Variants in ZNF638 observed in about 807,000 individuals in gnomAD.
ZNF638 encodes the protein zinc finger protein 638.
ZNF638 carries 46 observed loss-of-function variants against 195.6 expected under a neutral mutation model. That is an observed-to-expected ratio of 0.24 (90% confidence interval 0.19 to 0.30). The LOEUF (loss-of-function observed/expected upper bound fraction) is 0.30. Among genes scored for constraint, ZNF638 ranks in the 10% least tolerant of loss-of-function variants. The pLI is 1.00. For synonymous variants in ZNF638, 845 were observed against 772.0 expected, an observed-to-expected ratio of 1.09 and a Z score of -1.57; for missense variants, 2,440 against 2,325.3, an observed-to-expected ratio of 1.05 and a Z score of -1.01.
intron 1 of ZNF638, among the ~76,000 whole-genome samples, chr2:71,340,219 T>C (rs72909586): frequency 0.034 from 5,133 of 152,342 alleles, 163 homozygotes; most frequent in African/African-American, 0.087. Flanking sequence ...TATTTTTGCT[T>C]TCTGTTTCAT....
At chr2:71,388,855 G>A (rs1305406112) in intron 10 of ZNF638, 1 of 651,494 alleles carries the variant, frequency 1.5e-6, no homozygotes, top group African/African-American at 1.8e-5. Context: ...CTTAAAGCTA[G>A]CAGAGCCTCG....
At position 71,423,807 on chromosome 2, in the gene ZNF638, A is replaced by G. The variant is rs765901452; in HGVS notation, c.4293A>G (p.Lys1431=). ...GAGATCAAATAAATGCTGAAAAGAA[A>G]CTTTCAGCCAAGGAATTTGGTCTGC... ...VPRDQINAEK[K]LSAKEFGLLK... is the part of the protein sequence containing the mutation. Residue 1431 remains lysine (K), a synonymous_variant, in exon 22 of 28, where the codon AAA becomes AAG. Transcript: ENST00000264447. 1.2e-6 allele frequency: 2 copies of G among 1,614,074 alleles called. No individual in the cohort carries two copies. The highest frequency in any genetic ancestry group is 1.1e-5 in the South Asian group (1 of 91,084).
At chr2:71,393,441 G>A in intron 10 of ZNF638, 1 of 718,550 alleles carries the variant, frequency 1.4e-6, no homozygotes, top group Admixed American at 2.0e-5. Flanking sequence ...CCATGGCGTG[G>A]CTAGGACCCA....
intron 26 of ZNF638, among the ~76,000 whole-genome samples, chr2:71,431,708 C>T (rs183726124): frequency 0.014 from 2,166 of 150,042 alleles, 21 homozygotes; most frequent in Non-Finnish European, 0.024. Context: ...TGCAGTGAGC[C>T]GAGATAGCGC....
intron 3 of ZNF638, among the ~76,000 whole-genome samples, chr2:71,356,657 G>C (rs747782469): frequency 1.3e-5 from 2 of 152,032 alleles, no homozygotes; most frequent in Admixed American, 6.6e-5. Flanking sequence ...AGGCATGGTA[G>C]TACACATCTG....
At position 71,349,907 on chromosome 2, in the gene ZNF638, C is replaced by A; in HGVS notation, c.953C>A (p.Thr318Lys). The change falls in exon 2 of 28, where the codon ACA (threonine) becomes AAA (lysine). Residue 318 changes from threonine to lysine, a missense_variant. By Grantham distance (78) the Thr-to-Lys change is moderately conservative. Transcript: ENST00000264447. Reference sequence around the variant, plus strand: ...TCCGTCAACCAATCCATTAACCAAACAGTTAGCCAGACAATGAGTCAATCT... The same window carrying A: ...TCCGTCAACCAATCCATTAACCAAAAAGTTAGCCAGACAATGAGTCAATCT... ...IKSVNQSINQ[T>K]VSQTMSQSLI... The A allele has an allele frequency of 6.2e-7, 1 of 1,614,232 alleles. No homozygotes were observed. The highest frequency in any genetic ancestry group is 1.1e-5 in the South Asian group (1 of 91,088).
intron 24 of ZNF638, 120 bp downstream of exon 24, chr2:71,427,534 C>A: frequency 3.0e-6 from 2 of 667,548 alleles, no homozygotes; most frequent in Non-Finnish European, 4.5e-6. Context: ...TAGAGGCCAA[C>A]AGACAGTTAA....
Position 71,426,738 on chromosome 2 carries a change from A to T in ZNF638, c.4869A>T (p.Glu1623Asp), listed in dbSNP as rs761998032. 1.2e-6 allele frequency: 2 copies of T among 1,614,026 alleles called. No individual in the cohort carries two copies. Among genetic ancestry groups the T allele is most frequent in the African/African-American group, 2.7e-5 (2 of 74,944 alleles). The change falls in exon 24 of 28, where the codon GAA (glutamate) becomes GAT (aspartate). Residue 1623 changes from glutamate (E) to aspartate (D), a missense_variant. Physicochemically the swap from Glu to Asp is conservative, Grantham distance 45. Around this residue, in one of 5 missense-constraint regions of ZNF638, gnomAD observed 1,883 missense variants for 1,739.1 expected, o/e 1.08. Coordinates refer to ENST00000264447, the MANE Select transcript of ZNF638 (RefSeq NM_014497.5). ...HLAQALVTVD[E>D]VIDEEELNME... ...CACAAGCTCTAGTCACTGTGGATGA[A>T]GTAATTGATGAAGAAGAACTAAATA...
chr2:71,434,642 G>A, intron 27 of ZNF638, 100 bp from the exon 28 acceptor site: 1 of 945,242 alleles, frequency 1.1e-6, no homozygotes, highest in Admixed American at 2.6e-5. Flanking sequence ...TATTTTGTAG[G>A]ATCAGTTTCT....
chr2:71,418,726 TAGTGAA>T (rs1446206873), intron 21 of ZNF638, 87 bp downstream of exon 21: 19 of 636,266 alleles, frequency 3.0e-5, no homozygotes, highest in Non-Finnish European at 4.1e-5. Context: ...GGCTCACATG[TAGTGAA>T]AAGTTCTTTT....
At chr2:71,365,762 G>A (rs570517152) in intron 6 of ZNF638, 56 bp downstream of exon 6, 40 of 1,467,268 alleles carry the variant, frequency 2.7e-5, no homozygotes, top group South Asian at 2.1e-4. Flanking sequence ...TGTCATCCTC[G>A]CTGGACTGCA....
At position 71,418,594 on chromosome 2, in the gene ZNF638, T is replaced by C. The variant is rs1188186785; in HGVS notation, c.3262-8T>C. 6.4e-7 allele frequency: 1 copy of C among 1,551,054 alleles called. No homozygotes were observed. Among genetic ancestry groups the C allele is most frequent in the Non-Finnish European group, 8.7e-7 (1 of 1,148,852 alleles). On this transcript the variant is annotated splice_region_variant and splice_polypyrimidine_tract_variant and intron_variant, in intron 20 of 27. Coordinates refer to ENST00000264447, the MANE Select transcript of ZNF638 (RefSeq NM_014497.5). The stretch of plus-strand genomic sequence containing the variant: ...ATAGCCTCTAATAAAATGCTGATTA[T>C]ATTACAGGTGCAAATTGAGCATGAC...
chr2:71,396,865 T>G (rs917941034), intron 11 of ZNF638, among the ~76,000 whole-genome samples: 4 of 152,274 alleles, frequency 2.6e-5, no homozygotes, highest in Non-Finnish European at 5.9e-5. Context: ...GAGAATCGCT[T>G]GAACCCGGGA....
chr2:71,420,120 G>C (rs1163769259), intron 21 of ZNF638, among the ~76,000 whole-genome samples: 1 of 151,066 alleles, frequency 6.6e-6, no homozygotes, highest in African/African-American at 2.4e-5. Flanking sequence ...TAGAGACAGG[G>C]TCTTGCTATG....
chr2:71,358,441 CAA>C (rs1290012860), intron 3 of ZNF638, among the ~76,000 whole-genome samples: 2 of 152,178 alleles, frequency 1.3e-5, no homozygotes, highest in African/African-American at 2.4e-5. Context: ...CAAAAGCAAT[CAA>C]GAGCTGAAGC....
intron 1 of ZNF638, among the ~76,000 whole-genome samples, chr2:71,345,084 C>T (rs2078827819): frequency 6.6e-6 from 1 of 152,160 alleles, no homozygotes; most frequent in Admixed American, 6.5e-5. Context: ...ATTTTGAGAG[C>T]AACCACATTC....
At chr2:71,368,323 TTACTG>T in intron 6 of ZNF638, 54 bp from the exon 7 acceptor site, 1 of 1,475,712 alleles carries the variant, frequency 6.8e-7, no homozygotes, top group South Asian at 1.3e-5. Context: ...TAGGAAATTA[TTACTG>T]TACATTGTAG....
intron 20 of ZNF638, among the ~76,000 whole-genome samples, chr2:71,414,443 A>AT (rs1185891918): frequency 8.9e-5 from 2 of 22,508 alleles, no homozygotes; most frequent in East Asian, 1.5e-3. Flanking sequence ...GGATTCATTG[A>AT]TTTTTTGAAG....
At chr2:71,411,440 AT>A (rs1384216775) in intron 20 of ZNF638, among the ~76,000 whole-genome samples, 1 of 123,514 alleles carries the variant, frequency 8.1e-6, no homozygotes, top group Non-Finnish European at 1.8e-5. Context: ...TGAGTTTTTT[AT>A]TTTTTTTATT....
Sources: gnomAD v4.1 joint callset for allele counts (sites outside exome capture counted in the v4.1 genomes callset) on GRCh38, gnomAD v4.1.1 for gene constraint, gnomAD v4.1.1 regional missense constraint, MANE v1.5 for transcripts, NCBI Gene and HGNC (gene_info 2026-07-23, HGNC 2026-07-21) for gene names.